TSC22D1: variants seen among roughly 807,000 people sequenced by gnomAD.
TSC22D1 encodes TSC22 domain family protein 1.
In TSC22D1, 9 loss-of-function variants were observed where a neutral mutation model predicts 74.2. That is an observed-to-expected ratio of 0.12 (90% CI 0.07 to 0.21). The LOEUF (loss-of-function observed/expected upper bound fraction) is 0.21. Among genes scored for constraint, TSC22D1 ranks in the 10% least tolerant of loss-of-function variants. The pLI, the probability that TSC22D1 is intolerant of heterozygous loss-of-function variation, is 1.00. For synonymous variants in TSC22D1, 586 were observed against 492.5 expected, an observed-to-expected ratio of 1.19 and a Z score of -2.51; for missense variants, 1,427 against 1,304.7, an observed-to-expected ratio of 1.09 and a Z score of -1.44.
chr13:44,543,049 C>T (rs1881576760), intron 1 of TSC22D1, among the ~76,000 whole-genome samples: 1 of 152,068 alleles, frequency 6.6e-6, no homozygotes, highest in African/African-American at 2.4e-5. Context: ...TGTTATAGAT[C>T]TATTAACCTA....
intron 1 of TSC22D1, chr13:44,437,183 G>T (rs1205108529): frequency 5.1e-6 from 5 of 985,408 alleles, no homozygotes; most frequent in Non-Finnish European, 4.8e-6. Flanking sequence ...TACGTTTAAG[G>T]GAGTCAGACC....
chr13:44,532,630 T>C (rs1880911855), intron 1 of TSC22D1, among the ~76,000 whole-genome samples: 1 of 151,778 alleles, frequency 6.6e-6, no homozygotes, highest in South Asian at 2.1e-4. Flanking sequence ...CACGCCACCA[T>C]GCCCGGCTAT....
chr13:44,560,641 AG>A (rs1882978935), intron 1 of TSC22D1, among the ~76,000 whole-genome samples: 1 of 152,228 alleles, frequency 6.6e-6, no homozygotes, highest in Non-Finnish European at 1.5e-5. Flanking sequence ...ATTTTAGAAC[AG>A]GAAAAAAGCA....
chr13:44,439,527 A>G (rs924326645), intron 1 of TSC22D1, among the ~76,000 whole-genome samples: 2 of 152,260 alleles, frequency 1.3e-5, no homozygotes, highest in Non-Finnish European at 2.9e-5. Flanking sequence ...CAAACGATCC[A>G]TATGTCTGGT....
intron 1 of TSC22D1, among the ~76,000 whole-genome samples, chr13:44,472,546 T>C (rs553975760): frequency 6.6e-6 from 1 of 152,272 alleles, no homozygotes; most frequent in East Asian, 1.9e-4. Flanking sequence ...TGAAAAAGCA[T>C]AGTCCTCGCC....
intron 1 of TSC22D1, among the ~76,000 whole-genome samples, chr13:44,482,952 CA>C (rs1878249663): frequency 6.6e-6 from 1 of 152,120 alleles, no homozygotes. Context: ...ATAAATGCAA[CA>C]AGTGCTAAAG....
intron 1 of TSC22D1, among the ~76,000 whole-genome samples, chr13:44,461,418 G>A (rs1876989848): frequency 6.6e-6 from 1 of 152,188 alleles, no homozygotes; most frequent in Non-Finnish European, 1.5e-5. Context: ...AAAGTAATAA[G>A]TGTGATATCT....
chr13:44,553,306 G>A (rs1425087053), intron 1 of TSC22D1, among the ~76,000 whole-genome samples: 1 of 150,668 alleles, frequency 6.6e-6, no homozygotes, highest in Non-Finnish European at 1.5e-5. Flanking sequence ...AAAATATACA[G>A]ACAAAAAGCA....
At chr13:44,551,607 G>C (rs934931794) in intron 1 of TSC22D1, among the ~76,000 whole-genome samples, 3 of 152,194 alleles carry the variant, frequency 2.0e-5, no homozygotes, top group Non-Finnish European at 2.9e-5. Context: ...TCTTAGTAGA[G>C]ACGAGGTTTC....
intron 1 of TSC22D1, among the ~76,000 whole-genome samples, chr13:44,486,020 C>A (rs1398601080): frequency 6.6e-6 from 1 of 151,624 alleles, no homozygotes; most frequent in African/African-American, 2.4e-5. Flanking sequence ...GCTCCCCAAC[C>A]AGAAAAGGCG....
At chr13:44,471,118 C>T (rs550284952) in intron 1 of TSC22D1, among the ~76,000 whole-genome samples, 76 of 152,268 alleles carry the variant, frequency 5.0e-4, no homozygotes, top group South Asian at 5.0e-3. Flanking sequence ...GTTTGCTGTT[C>T]ATCAAAGCAA....
intron 1 of TSC22D1, among the ~76,000 whole-genome samples, chr13:44,532,636 G>C (rs1269617518): frequency 1.3e-5 from 2 of 152,050 alleles, no homozygotes; most frequent in Non-Finnish European, 2.9e-5. Flanking sequence ...ACCATGCCCG[G>C]CTATTTTTTT....
chr13:44,574,080 T>G lies in TSC22D1; in HGVS notation c.1995A>C (p.Thr665=). The change falls in exon 1 of 3, where the codon ACA becomes ACC. Residue 665 remains threonine (T), a synonymous_variant. Transcript: ENST00000458659. The part of the protein sequence containing the change: ...EYVQQQPILQ[T]AMSSGQPSSA... ...AACTGGGCTGTCCGGAGGACATTGC[T>G]GTTTGAAGAATTGGCTGCTGTTGTA... 2 of 1,614,250 alleles carry G rather than the reference T, an allele frequency of 1.2e-6. No homozygotes were observed. Among genetic ancestry groups the G allele is most frequent in the Non-Finnish European group, 1.7e-6 (2 of 1,180,054 alleles).
In TSC22D1 at chr13:44,574,093, G is replaced by T; in HGVS notation, c.1982C>A (p.Pro661Gln). 1 of 1,614,240 alleles carries T rather than the reference G, an allele frequency of 6.2e-7. No homozygotes were observed. The highest frequency in any genetic ancestry group is 8.5e-7 in the Non-Finnish European group (1 of 1,180,052). ...GGAGGACATTGCTGTTTGAAGAATT[G>T]GCTGCTGTTGTACATACTCTGAAGC... is the stretch of plus-strand genomic sequence containing the variant. ...NPASEYVQQQPILQTAMSSGQ... is the reference protein window; with the variant it reads ...NPASEYVQQQQILQTAMSSGQ... The change falls in exon 1 of 3, where the codon CCA (proline) becomes CAA (glutamine). Residue 661 changes from proline to glutamine, a missense_variant. Physicochemically the swap from Pro to Gln is moderately conservative, Grantham distance 76 (BLOSUM62 -1). Coordinates refer to ENST00000458659, the MANE Select transcript of TSC22D1 (RefSeq NM_183422.4).
chr13:44,432,231 A>G lies in TSC22D1; in HGVS notation c.*2395T>C, dbSNP rs1257535743. ...TGAGTCTCACATTTTTAATAAAAAGACCCAAAGTTCCATTAAATAATGGAG... is the reference window on the plus strand; with the variant it reads ...TGAGTCTCACATTTTTAATAAAAAGGCCCAAAGTTCCATTAAATAATGGAG... On this transcript the variant is annotated 3_prime_UTR_variant, in exon 3 of 3. Coordinates refer to ENST00000458659, the MANE Select transcript of TSC22D1 (RefSeq NM_183422.4). 2.6e-5 allele frequency: 4 copies of G among 152,204 alleles called. No individual in the cohort carries two copies. The highest frequency in any genetic ancestry group is 4.8e-5 in the African/African-American group (2 of 41,454). 9.4% of individuals were successfully genotyped at this position (152,204 alleles called of 1,614,324 possible).
chr13:44,552,314 T>G (rs1178567276), intron 1 of TSC22D1, among the ~76,000 whole-genome samples: 1 of 152,228 alleles, frequency 6.6e-6, no homozygotes, highest in African/African-American at 2.4e-5. Context: ...TTGGCTCCTT[T>G]ACTTCACGAA....
intron 1 of TSC22D1, among the ~76,000 whole-genome samples, chr13:44,527,870 G>GCTAA (rs1880626173): frequency 6.6e-6 from 1 of 152,082 alleles, no homozygotes; most frequent in South Asian, 2.1e-4. Context: ...GATATGCTAT[G>GCTAA]CTAACACTAA....
Position 44,445,248 on chromosome 13 carries a change from CACACAG to C in TSC22D1, c.2913-9159_2913-9154del, listed in dbSNP as rs1372573419. Reference sequence around the variant, plus strand: ...ACACACACACACACACACACACACACACACAGAGCAAATCGATTTTCCACAAATATG... The same window carrying C: ...ACACACACACACACACACACACACACAGCAAATCGATTTTCCACAAATATG... On this transcript the variant is annotated intron_variant, in intron 1 of 2. Coordinates refer to ENST00000458659, the MANE Select transcript of TSC22D1 (RefSeq NM_183422.4). Among the ~76,000 whole-genome samples the C allele has an allele frequency of 4.4e-3, 547 of 125,110 alleles. 4 individuals carry two copies. Among genetic ancestry groups the C allele is most frequent in the African/African-American group, 0.015 (498 of 33,602 alleles). The allele number at this position is 125,110 out of a possible 152,430, so 82.1% of individuals were successfully genotyped here.
intron 1 of TSC22D1, among the ~76,000 whole-genome samples, chr13:44,564,188 C>A (rs1883220325): frequency 6.6e-6 from 1 of 152,094 alleles, no homozygotes; most frequent in Non-Finnish European, 1.5e-5. Context: ...CTTGATTAAG[C>A]AGATTTCTTA....
Sources: gnomAD v4.1 joint callset for allele counts (sites outside exome capture counted in the v4.1 genomes callset) on GRCh38, gnomAD v4.1.1 for gene constraint, MANE v1.5 for transcripts, NCBI Gene and HGNC (gene_info 2026-07-23, HGNC 2026-07-21) for gene names.